The following ATP8A2 variants were observed in gnomAD, a reference collection of about 807,000 sequenced individuals.
The protein encoded by ATP8A2 is ATPase phospholipid transporting 8A2, also known as phospholipid-transporting ATPase IB.
A neutral mutation model predicts 165.6 loss-of-function variants in ATP8A2; 100 were observed. The ratio of observed to expected loss-of-function variants is 0.60; its 90% CI spans 0.51 to 0.71. ATP8A2 has a LOEUF of 0.71. Ranked by LOEUF, ATP8A2 falls within the 30% of genes least tolerant of loss-of-function variation. The pLI is 0.00. For missense variants in ATP8A2, 1,227 were observed against 1,479.5 expected (o/e 0.83, Z 2.80); for synonymous variants, 543 against 548.8 (o/e 0.99, Z 0.15).
At chr13:25,986,193 A>G (rs1956278115) in intron 35 of ATP8A2, among the ~76,000 whole-genome samples, 1 of 152,192 alleles carries the variant, frequency 6.6e-6, no homozygotes, top group Non-Finnish European at 1.5e-5. Context: ...CATATCCATC[A>G]CTTCACAGTT....
intron 1 of ATP8A2, among the ~76,000 whole-genome samples, chr13:25,450,256 A>G (rs1267755375): frequency 6.6e-6 from 1 of 152,192 alleles, no homozygotes; most frequent in Non-Finnish European, 1.5e-5. Flanking sequence ...CCATATCTTT[A>G]CTATTGTGAA....
chr13:25,563,823 G>C (rs2039232576), intron 15 of ATP8A2, 133 bp from the exon 16 acceptor site: 2 of 591,652 alleles, frequency 3.4e-6, no homozygotes, highest in South Asian at 2.3e-5. Flanking sequence ...AGAATTTCAA[G>C]TCTTTAAAAG....
At chr13:25,764,025 T>C (rs1235152439) in intron 25 of ATP8A2, among the ~76,000 whole-genome samples, 1 of 152,172 alleles carries the variant, frequency 6.6e-6, no homozygotes, top group East Asian at 1.9e-4. Context: ...TATATTTTAT[T>C]TAAATAACTA....
chr13:25,391,337 A>G (rs1376192856), intron 1 of ATP8A2, among the ~76,000 whole-genome samples: 2 of 152,140 alleles, frequency 1.3e-5, no homozygotes, highest in Admixed American at 1.3e-4. Flanking sequence ...TCACCCATCT[A>G]TTCATCTGTC....
intron 27 of ATP8A2, among the ~76,000 whole-genome samples, chr13:25,791,534 C>CACAT (rs1555267320): frequency 8.8e-6 from 1 of 114,268 alleles, no homozygotes; most frequent in Middle Eastern, 4.1e-3. Flanking sequence ...CTTAAACACA[C>CACAT]ACACACATAC....
At chr13:25,831,123 G>A (rs1951453936) in intron 28 of ATP8A2, among the ~76,000 whole-genome samples, 1 of 151,770 alleles carries the variant, frequency 6.6e-6, no homozygotes, top group African/African-American at 2.4e-5. Flanking sequence ...TCTTCATGCA[G>A]TATTTCTCTC....
intron 2 of ATP8A2, among the ~76,000 whole-genome samples, chr13:25,476,015 T>C (rs973305868): frequency 6.6e-6 from 1 of 152,204 alleles, no homozygotes; most frequent in Admixed American, 6.5e-5. Context: ...CAGAAGCCCT[T>C]AAGTTTAATT....
At chr13:25,672,923 G>T (rs1366361305) in intron 24 of ATP8A2, among the ~76,000 whole-genome samples, 3 of 152,174 alleles carry the variant, frequency 2.0e-5, no homozygotes, top group African/African-American at 7.2e-5. Context: ...TTGGTGGTTT[G>T]GAGACTTTGG....
intron 34 of ATP8A2, among the ~76,000 whole-genome samples, chr13:25,962,718 A>C (rs2139189407): frequency 6.6e-6 from 1 of 152,152 alleles, no homozygotes; most frequent in South Asian, 2.1e-4. Flanking sequence ...TTTAATCCAA[A>C]CCTTCCAGGG....
At chr13:26,002,805 A>G (rs1029148413) in intron 35 of ATP8A2, among the ~76,000 whole-genome samples, 2 of 151,518 alleles carry the variant, frequency 1.3e-5, no homozygotes, top group Non-Finnish European at 2.9e-5. Flanking sequence ...TCCATGTTAT[A>G]GCAAACGATA....
chr13:25,783,233 C>T (rs1431013759), intron 27 of ATP8A2, among the ~76,000 whole-genome samples: 1 of 152,180 alleles, frequency 6.6e-6, no homozygotes, highest in East Asian at 1.9e-4. Flanking sequence ...ATCCCAAGAG[C>T]ATCTGGGCTT....
At chr13:25,671,333 A>G (rs1277824975) in intron 24 of ATP8A2, among the ~76,000 whole-genome samples, 2 of 152,204 alleles carry the variant, frequency 1.3e-5, no homozygotes, top group Non-Finnish European at 2.9e-5. Flanking sequence ...GTGTTTGAGC[A>G]GTATGAAATC....
chr13:25,907,363 AAAAATAAAATAAAAT>A (rs145490905), intron 33 of ATP8A2, among the ~76,000 whole-genome samples: 42,985 of 151,738 alleles, frequency 0.28, 6,237 homozygotes, highest in African/African-American at 0.35. Flanking sequence ...AAATAAATAA[AAAAATAAAATAAAAT>A]AAAATAAAAT....
intron 24 of ATP8A2, among the ~76,000 whole-genome samples, chr13:25,642,314 A>G (rs757876174): frequency 7.9e-5 from 12 of 152,200 alleles, no homozygotes; most frequent in Non-Finnish European, 4.4e-5. Flanking sequence ...TGAACAGGCA[A>G]CCTACAGAAT....
chr13:25,384,052 A>C (rs548469138), intron 1 of ATP8A2, among the ~76,000 whole-genome samples: 2 of 152,216 alleles, frequency 1.3e-5, no homozygotes, highest in East Asian at 1.9e-4. Flanking sequence ...TGTCCCTAAA[A>C]ACGCTTTCAT....
At chr13:25,577,490 G>A (rs925925845) in intron 20 of ATP8A2, among the ~76,000 whole-genome samples, 1 of 152,136 alleles carries the variant, frequency 6.6e-6, no homozygotes, top group African/African-American at 2.4e-5. Context: ...TGATAATCTT[G>A]AGTATTCTGA....
chr13:25,982,705 T>G (rs1055505963), intron 35 of ATP8A2, among the ~76,000 whole-genome samples: 2 of 152,256 alleles, frequency 1.3e-5, no homozygotes, highest in African/African-American at 2.4e-5. Context: ...TTCTTTGGTA[T>G]TTGGAAATGA....
rs55782604 is a variant in ATP8A2, at chr13:25,892,580, C to CCTCTCT, written c.3183+30188_3183+30193dup. 9.7e-3 allele frequency among the ~76,000 whole-genome samples: 1,401 copies of CCTCTCT among 144,230 alleles called. 25 individuals carry two copies. Among genetic ancestry groups the CCTCTCT allele is most frequent in the African/African-American group, 0.034 (1,289 of 38,380 alleles). 94.6% of individuals were successfully genotyped at this position (144,230 alleles called of 152,430 possible). On this transcript the variant is annotated intron_variant, in intron 33 of 36. Transcript: ENST00000381655. ...GCAATGGAAACAACAAATGGAAACA[C>CCTCTCT]CTCTCTCTCTCTCTCTCTCTCCCTC...
At chr13:25,855,238 A>G (rs112198380) in intron 30 of ATP8A2, among the ~76,000 whole-genome samples, 20,169 of 150,424 alleles carry the variant, frequency 0.13, 1,590 homozygotes, top group Non-Finnish European at 0.18. Flanking sequence ...GCGACAGAGT[A>G]AGACTCCATC....
Sources: gnomAD v4.1 joint callset for allele counts (sites outside exome capture counted in the v4.1 genomes callset) on GRCh38, gnomAD v4.1.1 for gene constraint, MANE v1.5 for transcripts, NCBI Gene and HGNC (gene_info 2026-07-23, HGNC 2026-07-21) for gene names.